Variants in KANSL1L observed in about 807,000 individuals in gnomAD.
The protein encoded by KANSL1L is KAT8 regulatory NSL complex subunit 1-like protein.
KANSL1L carries 25 observed loss-of-function variants against 108.6 expected under a neutral mutation model. That is an observed-to-expected ratio of 0.23 (90% CI 0.17 to 0.32). The LOEUF (loss-of-function observed/expected upper bound fraction) is 0.32, where lower values mean the gene tolerates loss of function less well. Among genes scored for constraint, KANSL1L ranks in the 10% least tolerant of loss-of-function variants. The pLI is 1.00. For synonymous variants in KANSL1L, 405 were observed against 395.1 expected (o/e 1.03, Z -0.30); for missense variants, 1,137 against 1,125.7 (o/e 1.01, Z -0.14).
chr2:210,110,294 A>T (rs905664075), intron 3 of KANSL1L, among the ~76,000 whole-genome samples: 3 of 152,178 alleles, frequency 2.0e-5, no homozygotes, highest in African/African-American at 4.8e-5. Flanking sequence ...TTTGCAGAGG[A>T]TGGTATCCTT....
chr2:210,028,940 C>T lies in KANSL1L; in HGVS notation c.2301G>A (p.Glu767=), dbSNP rs554585976. ...CAATGTTATCTATGTCATAAGAGCT[C>T]TCACTTCTCAATCTCCGTCGTGCAG... ...RNTARRRLRS[E]SSYDIDNIVI... Residue 767 remains glutamate, a synonymous_variant, in exon 11 of 15, where the codon GAG becomes GAA. Coordinates refer to ENST00000281772, the MANE Select transcript of KANSL1L (RefSeq NM_152519.4). 7 of 1,610,548 alleles carry T rather than the reference C, an allele frequency of 4.3e-6. No individual in the cohort carries two copies. The highest frequency in any genetic ancestry group is 5.9e-6 in the Non-Finnish European group (7 of 1,177,720).
At chr2:210,116,564 G>C (rs886121756) in intron 3 of KANSL1L, among the ~76,000 whole-genome samples, 9 of 152,108 alleles carry the variant, frequency 5.9e-5, no homozygotes, top group Admixed American at 5.2e-4. Context: ...TGTTTCCCTG[G>C]GGGAAAGTAA....
At chr2:210,027,981 TG>T (rs2093960379) in intron 11 of KANSL1L, among the ~76,000 whole-genome samples, 1 of 152,178 alleles carries the variant, frequency 6.6e-6, no homozygotes, top group African/African-American at 2.4e-5. Flanking sequence ...AGAATAGAGA[TG>T]TATAGCAATT....
At chr2:210,166,501 G>A (rs1409896877) in intron 1 of KANSL1L, among the ~76,000 whole-genome samples, 1 of 152,098 alleles carries the variant, frequency 6.6e-6, no homozygotes, top group East Asian at 1.9e-4. Context: ...TCCTGAGAAT[G>A]TGCATTAAAG....
chr2:210,138,541 G>T (rs967589391), intron 2 of KANSL1L, among the ~76,000 whole-genome samples: 1 of 152,156 alleles, frequency 6.6e-6, no homozygotes, highest in Non-Finnish European at 1.5e-5. Context: ...AATATTTGCA[G>T]TGTTTAGATT....
chr2:210,058,222 G>A (rs1340171813), intron 6 of KANSL1L, among the ~76,000 whole-genome samples: 2 of 152,022 alleles, frequency 1.3e-5, no homozygotes, highest in Admixed American at 6.6e-5. Context: ...TTTTATGGTC[G>A]AAGCTGTGGG....
intron 3 of KANSL1L, among the ~76,000 whole-genome samples, chr2:210,117,905 C>T (rs1046529353): frequency 1.9e-4 from 29 of 151,980 alleles, no homozygotes; most frequent in Admixed American, 4.6e-4. Flanking sequence ...GGCTCATGCC[C>T]GTAATCTCAG....
At chr2:210,051,066 A>G (rs1396574583) in intron 6 of KANSL1L, among the ~76,000 whole-genome samples, 2 of 152,146 alleles carry the variant, frequency 1.3e-5, no homozygotes, top group Non-Finnish European at 2.9e-5. Context: ...CATGATGAAC[A>G]TTCCATGGCA....
chr2:210,096,765 T>C (rs1046760332), intron 5 of KANSL1L: 1 of 954,062 alleles, frequency 1.0e-6, no homozygotes, highest in Admixed American at 6.2e-5. Flanking sequence ...TTATCACTGA[T>C]ATGAGGAATG....
chr2:210,041,675 C>G (rs940680859), intron 7 of KANSL1L, among the ~76,000 whole-genome samples: 4 of 152,194 alleles, frequency 2.6e-5, no homozygotes. Flanking sequence ...TGAGCTCAAG[C>G]AGTCCTCCCA....
At position 210,129,143 on chromosome 2, in the gene KANSL1L, A is replaced by C. The variant is rs1356511237; in HGVS notation, c.1118T>G (p.Val373Gly). ...TCGGCTGCCAACTCGTGCTCTGTCT[A>C]CAAGCCACTTCCATTCAGTACTACA... ...VNCSTEWKWL[V>G]DRARVGSRWT... Residue 373 changes from valine to glycine, a missense_variant, in exon 3 of 15, where the codon GTA becomes GGA. Val to Gly is a moderately radical substitution (Grantham distance 109). Around this residue, in one of 3 missense-constraint regions of KANSL1L, gnomAD observed 556 missense variants for 537.7 expected, o/e 1.03. Transcript: ENST00000281772. 6.2e-7 allele frequency: 1 copy of C among 1,613,912 alleles called. No individual in the cohort carries two copies. The highest frequency in any genetic ancestry group is 8.5e-7 in the Non-Finnish European group (1 of 1,179,840).
chr2:210,116,919 AG>A (rs2094960488), intron 3 of KANSL1L, among the ~76,000 whole-genome samples: 1 of 152,252 alleles, frequency 6.6e-6, no homozygotes, highest in African/African-American at 2.4e-5. Context: ...CCAATGCCAG[AG>A]AGACAGGGAT....
In KANSL1L at chr2:210,157,217, C is replaced by T. The variant is rs957861074; in HGVS notation, c.-29-2606G>A. On this transcript the variant is annotated intron_variant, in intron 1 of 14. Coordinates refer to ENST00000281772, the MANE Select transcript of KANSL1L (RefSeq NM_152519.4). ...TTAATCACGCTTCTTGTTGATGTTA[C>T]AGCACTCCTCAAAAGATACTAAACT... 3.9e-5 allele frequency among the ~76,000 whole-genome samples: 6 copies of T among 152,076 alleles called. No individual in the cohort carries two copies. The East Asian group carries it at 5.8e-4, about 15-fold the overall frequency.
At chr2:210,148,718 T>G (rs147286515) in intron 2 of KANSL1L, among the ~76,000 whole-genome samples, 1 of 152,132 alleles carries the variant, frequency 6.6e-6, no homozygotes, top group Non-Finnish European at 1.5e-5. Flanking sequence ...TACTACATTT[T>G]TGGAGGAAAA....
At chr2:210,064,601 C>T (rs949947079) in intron 6 of KANSL1L, among the ~76,000 whole-genome samples, 4 of 151,492 alleles carry the variant, frequency 2.6e-5, no homozygotes, top group African/African-American at 9.7e-5. Context: ...TTTTTTGAGC[C>T]CAGGAGTTCA....
At chr2:210,158,313 T>C (rs2095344539) in intron 1 of KANSL1L, among the ~76,000 whole-genome samples, 1 of 152,050 alleles carries the variant, frequency 6.6e-6, no homozygotes, top group Admixed American at 6.5e-5. Flanking sequence ...GGTATAGAAA[T>C]GATGTCTCCA....
intron 3 of KANSL1L, among the ~76,000 whole-genome samples, chr2:210,120,187 C>T (rs929114452): frequency 3.3e-5 from 5 of 152,010 alleles, no homozygotes; most frequent in Non-Finnish European, 7.4e-5. Context: ...CTCAGGAGTT[C>T]GAGACCAGCC....
At chr2:210,115,043 G>A (rs1476600264) in intron 3 of KANSL1L, among the ~76,000 whole-genome samples, 1 of 151,776 alleles carries the variant, frequency 6.6e-6, no homozygotes, top group African/African-American at 2.4e-5. Context: ...AAACAAAAAA[G>A]GTATAAGATA....
intron 5 of KANSL1L, among the ~76,000 whole-genome samples, chr2:210,082,097 C>G (rs1190732394): frequency 4.6e-5 from 7 of 152,138 alleles, no homozygotes; most frequent in Non-Finnish European, 8.8e-5. Context: ...CCATGCCTGG[C>G]TAATTTTTTA....
Sources: allele counts gnomAD v4.1 joint callset (sites outside exome capture counted in the v4.1 genomes callset), GRCh38; gene constraint gnomAD v4.1.1; regional missense constraint gnomAD v4.1.1; transcripts MANE v1.5; gene names NCBI Gene and HGNC (gene_info 2026-07-23, HGNC 2026-07-21).